Variants in EPHA7 observed in about 807,000 individuals in gnomAD.
EPHA7 encodes the protein EPH receptor A7.
EPHA7 carries 25 observed loss-of-function variants against 112.6 expected under a neutral mutation model. That is an observed-to-expected ratio of 0.22 (90% CI 0.16 to 0.31). EPHA7 has a LOEUF of 0.31. Among genes scored for constraint, EPHA7 ranks in the 10% least tolerant of loss-of-function variants. The pLI, the probability that EPHA7 is intolerant of heterozygous loss-of-function variation, is 1.00. For missense variants in EPHA7, 962 were observed against 1,212.6 expected (o/e 0.79, Z 3.07); for synonymous variants, 437 against 406.5 (o/e 1.07, Z -0.90).
intron 5 of EPHA7, among the ~76,000 whole-genome samples, chr6:93,291,110 C>T (rs1295494060): frequency 1.3e-5 from 2 of 152,044 alleles, no homozygotes; most frequent in Non-Finnish European, 2.9e-5. Context: ...TTCAGTAGTG[C>T]GTGTCTCTGA....
intron 5 of EPHA7, among the ~76,000 whole-genome samples, chr6:93,320,577 T>A (rs965712893): frequency 6.6e-6 from 1 of 152,114 alleles, no homozygotes; most frequent in South Asian, 2.1e-4. Context: ...AAACAAGTTC[T>A]GTAGAAGTAT....
Position 93,269,568 on chromosome 6 carries a change from C to A in EPHA7, c.1542G>T (p.Gln514His). Residue 514 changes from glutamine to histidine, a missense_variant, in exon 7 of 17, where the codon CAG becomes CAT. This residue lies in a region of EPHA7 where 746 missense variants were observed against 889.2 expected (regional missense o/e 0.84). Coordinates refer to ENST00000369303, the MANE Select transcript of EPHA7 (RefSeq NM_004440.4). The part of the protein sequence containing the change: ...NLKPGTVYVF[Q>H]IRAFTAAGYG... ...AACCAGCAGCAGTAAAAGCCCGAAT[C>A]TGGAAAACATACACTGTTCCTGGTT... 6.2e-7 allele frequency: 1 copy of A among 1,610,626 alleles called. No homozygotes were observed. Among genetic ancestry groups the A allele is most frequent in the Non-Finnish European group, 8.5e-7 (1 of 1,178,080 alleles).
intron 1 of EPHA7, among the ~76,000 whole-genome samples, chr6:93,417,349 C>G (rs982051813): frequency 6.6e-6 from 1 of 152,146 alleles, no homozygotes. Context: ...TCTTGGTCGC[C>G]GCTGCGCCCT....
Position 93,273,865 on chromosome 6 carries a change from G to A in EPHA7, c.1325-1443C>T, listed in dbSNP as rs569318622. ...TTAGCATAACTCAGTAGACTGCAAC[G>A]TTCAAGAGGCTGCTTCCTTAGGCCA... On this transcript the variant is annotated intron_variant, in intron 5 of 16. Transcript: ENST00000369303. Among the ~76,000 whole-genome samples the A allele has an allele frequency of 1.8e-4, 28 of 152,040 alleles. No homozygotes were observed. In the South Asian group the frequency reaches 2.5e-3, roughly 13 times the overall value.
intron 1 of EPHA7, among the ~76,000 whole-genome samples, chr6:93,418,820 G>A (rs1779377513): frequency 6.6e-6 from 1 of 152,232 alleles, no homozygotes; most frequent in South Asian, 2.1e-4. Flanking sequence ...GGTAGGGGCT[G>A]CATTTCCCAG....
chr6:93,375,765 C>T (rs1777029336), intron 3 of EPHA7, among the ~76,000 whole-genome samples: 1 of 152,052 alleles, frequency 6.6e-6, no homozygotes, highest in Non-Finnish European at 1.5e-5. Flanking sequence ...TTTTTCTTTG[C>T]TACCCTAAAC....
rs149829579 is a variant in EPHA7 at position 93,360,156 on chromosome 6, T to A, written c.833-1745A>T. Reference sequence around the variant, plus strand: ...GAACAATGATATTGATTACTAAACATAACAAAAATATACAACCTTAAAATG... The same window carrying A: ...GAACAATGATATTGATTACTAAACAAAACAAAAATATACAACCTTAAAATG... On this transcript the variant is annotated intron_variant, in intron 3 of 16. Coordinates refer to ENST00000369303, the MANE Select transcript of EPHA7 (RefSeq NM_004440.4). Among the ~76,000 whole-genome samples the A allele has an allele frequency of 6.7e-3, 1,013 of 152,150 alleles. 44 individuals carry two copies. The highest frequency in any genetic ancestry group is 0.061 in the Admixed American group (934 of 15,264).
chr6:93,251,184 C>T (rs765661021), intron 14 of EPHA7, among the ~76,000 whole-genome samples: 15 of 151,916 alleles, frequency 9.9e-5, no homozygotes, highest in Non-Finnish European at 2.9e-5. Flanking sequence ...TTACATAAAA[C>T]AACATCATAA....
chr6:93,260,794 A>G (rs1770652063), intron 9 of EPHA7: 1 of 957,476 alleles, frequency 1.0e-6, no homozygotes, highest in Non-Finnish European at 1.2e-6. Flanking sequence ...AGATGAAAAA[A>G]AAAACAACAC....
chr6:93,242,318 G>C lies in EPHA7; in HGVS notation c.*1108C>G, dbSNP rs1769723243. The C allele has an allele frequency of 9.9e-6, 2 of 201,896 alleles. No homozygotes were observed. Among genetic ancestry groups the C allele is most frequent in the South Asian group, 3.8e-4 (2 of 5,264 alleles). The allele number at this position is 201,896 out of a possible 1,614,324, so 12.5% of individuals were successfully genotyped here. ...CTGTGCAGCAAATTTGTGTTTAAAT[G>C]GTGAAAATTGTGAACTGCCCCTTTA... On this transcript the variant is annotated 3_prime_UTR_variant, in exon 17 of 17. Transcript: ENST00000369303.
chr6:93,362,652 C>T (rs1776315662), intron 3 of EPHA7, among the ~76,000 whole-genome samples: 1 of 152,124 alleles, frequency 6.6e-6, no homozygotes, highest in African/African-American at 2.4e-5. Context: ...TGCCAGGCCA[C>T]TGAGACTATA....
chr6:93,359,600 C>T lies in EPHA7; in HGVS notation c.833-1189G>A, dbSNP rs1467597905. 4.6e-5 allele frequency among the ~76,000 whole-genome samples: 7 copies of T among 151,888 alleles called. No homozygotes were observed. In the South Asian group the frequency reaches 6.2e-4, roughly 14 times the overall value. Reference sequence around the variant, plus strand: ...AAAATTAACCACATTTTTCACTCTGCGGGGCATGGAAAGCAAGAACAATCC... The same window carrying T: ...AAAATTAACCACATTTTTCACTCTGTGGGGCATGGAAAGCAAGAACAATCC... On this transcript the variant is annotated intron_variant, in intron 3 of 16. Coordinates refer to ENST00000369303, the MANE Select transcript of EPHA7 (RefSeq NM_004440.4).
chr6:93,367,410 T>C (rs571101806), intron 3 of EPHA7, among the ~76,000 whole-genome samples: 14 of 152,310 alleles, frequency 9.2e-5, no homozygotes, highest in African/African-American at 3.4e-4. Flanking sequence ...TCAGAGAGTG[T>C]AGGCTCTATG....
Position 93,419,366 on chromosome 6 carries a change from G to C in EPHA7, c.-25C>G. ...TGGTGCATGAGCAGGTTTTATTTTA[G>C]GTTTCAGTTATCTTGAGTCGTGGAT... On this transcript the variant is annotated 5_prime_UTR_variant, in exon 1 of 17. Coordinates refer to ENST00000369303, the MANE Select transcript of EPHA7 (RefSeq NM_004440.4). 1 of 1,582,714 alleles carries C rather than the reference G, an allele frequency of 6.3e-7. No homozygotes were observed. The highest frequency in any genetic ancestry group is 8.7e-7 in the Non-Finnish European group (1 of 1,153,230).
At chr6:93,412,028 C>T (rs1052566952) in intron 2 of EPHA7, among the ~76,000 whole-genome samples, 8 of 151,978 alleles carry the variant, frequency 5.3e-5, no homozygotes, top group Non-Finnish European at 1.2e-4. Flanking sequence ...GAATTTGCAA[C>T]AATTTCAAAC....
intron 3 of EPHA7, among the ~76,000 whole-genome samples, chr6:93,397,925 C>T (rs1778260030): frequency 6.6e-6 from 1 of 151,854 alleles, no homozygotes; most frequent in Admixed American, 6.6e-5. Context: ...CAACTTTATC[C>T]CAGCTTGTAA....
At chr6:93,400,739 C>T (rs1397349221) in intron 3 of EPHA7, among the ~76,000 whole-genome samples, 1 of 152,052 alleles carries the variant, frequency 6.6e-6, no homozygotes, top group Non-Finnish European at 1.5e-5. Flanking sequence ...GGTCTCACTA[C>T]GTTGCTCAGG....
chr6:93,257,376 C>T lies in EPHA7; in HGVS notation c.2172+86G>A, dbSNP rs948974844. 42 of 961,938 alleles carry T rather than the reference C, an allele frequency of 4.4e-5. 1 individual carries two copies. The highest frequency in any genetic ancestry group is 6.0e-5 in the Non-Finnish European group (38 of 631,782). The allele number at this position is 961,938 out of a possible 1,614,324, so 59.6% of individuals were successfully genotyped here. The stretch of plus-strand genomic sequence containing the variant: ...ACCTCTTACTATTTTACAAGGCTCT[C>T]ATTTTACATTGCAAAAAAAGTTCAT... On this transcript the variant is annotated intron_variant, in intron 12 of 16. Coordinates refer to ENST00000369303, the MANE Select transcript of EPHA7 (RefSeq NM_004440.4).
At chr6:93,257,415 T>C in intron 12 of EPHA7, 47 bp downstream of exon 12, 1 of 1,392,392 alleles carries the variant, frequency 7.2e-7, no homozygotes, top group South Asian at 1.3e-5. Flanking sequence ...ATTATATTGG[T>C]AGCAAGCATA....
Sources: gnomAD v4.1 joint callset for allele counts (sites outside exome capture counted in the v4.1 genomes callset) on GRCh38, gnomAD v4.1.1 for gene constraint, gnomAD v4.1.1 regional missense constraint, MANE v1.5 for transcripts, NCBI Gene and HGNC (gene_info 2026-07-23, HGNC 2026-07-21) for gene names.